CTNNA2: variants seen among roughly 807,000 people sequenced by gnomAD.
CTNNA2 encodes the protein catenin alpha 2, also known as catenin alpha-2.
CTNNA2 carries 42 observed loss-of-function variants against 101.0 expected under a neutral mutation model. That is an observed-to-expected ratio of 0.42 (90% CI 0.32 to 0.54). The LOEUF (loss-of-function observed/expected upper bound fraction) is 0.54, where lower values mean the gene tolerates loss of function less well. CTNNA2 is among the 20% of genes least tolerant of loss of function. CTNNA2 has a pLI of 0.14. For missense variants in CTNNA2, 871 were observed against 1,223.1 expected (o/e 0.71, Z 4.29); for synonymous variants, 450 against 456.4 (o/e 0.99, Z 0.18).
chr2:80,243,389 C>T (rs768470782), intron 7 of CTNNA2, among the ~76,000 whole-genome samples: 17 of 151,892 alleles, frequency 1.1e-4, no homozygotes, highest in Non-Finnish European at 2.5e-4. Flanking sequence ...AGATCCATGA[C>T]GCCCTAATAT....
chr2:80,419,361 T>G, intron 8 of CTNNA2, 88 bp from the exon 9 acceptor site: 2 of 1,034,616 alleles, frequency 1.9e-6, no homozygotes, highest in Non-Finnish European at 1.4e-6. Context: ...CCATGGGTAA[T>G]GAGAGCTCAA....
At chr2:79,828,452 A>G (rs867015605) in intron 3 of CTNNA2, among the ~76,000 whole-genome samples, 6 of 152,220 alleles carry the variant, frequency 3.9e-5, no homozygotes, top group Admixed American at 6.5e-5. Flanking sequence ...CCTTCACTGT[A>G]AAATGAATGT....
At chr2:79,310,501 A>T (rs2104399334) in intron 2 of CTNNA2, among the ~76,000 whole-genome samples, 1 of 152,230 alleles carries the variant, frequency 6.6e-6, no homozygotes, top group East Asian at 1.9e-4. Flanking sequence ...TTATTAACAG[A>T]CTCTTCCTCT....
intron 1 of CTNNA2, among the ~76,000 whole-genome samples, chr2:79,631,068 T>C (rs558057207): frequency 3.3e-5 from 5 of 152,322 alleles, no homozygotes; most frequent in Non-Finnish European, 5.9e-5. Flanking sequence ...GGCAGATTTT[T>C]TTTTTTCTGT....
At chr2:79,702,065 G>C (rs1309677872) in intron 2 of CTNNA2, among the ~76,000 whole-genome samples, 1 of 148,834 alleles carries the variant, frequency 6.7e-6, no homozygotes, top group Non-Finnish European at 1.5e-5. Flanking sequence ...AACAAGAACA[G>C]GCCCCTGATA....
At chr2:80,211,498 G>A (rs920481531) in intron 7 of CTNNA2, among the ~76,000 whole-genome samples, 5 of 152,040 alleles carry the variant, frequency 3.3e-5, no homozygotes, top group African/African-American at 1.2e-4. Flanking sequence ...TCTTGTTTTT[G>A]TCAGGTTTGT....
At chr2:79,556,328 A>G (rs1403252529) in intron 1 of CTNNA2, among the ~76,000 whole-genome samples, 1 of 151,960 alleles carries the variant, frequency 6.6e-6, no homozygotes, top group Admixed American at 6.6e-5. Context: ...CTCCATGTAA[A>G]TTTATCTGGT....
intron 2 of CTNNA2, among the ~76,000 whole-genome samples, chr2:79,695,068 T>C (rs1055310550): frequency 6.7e-6 from 1 of 149,208 alleles, no homozygotes; most frequent in African/African-American, 2.4e-5. Context: ...ATCTTCTCTT[T>C]CACATTACTT....
At chr2:79,915,268 C>T (rs1686112073) in intron 7 of CTNNA2, among the ~76,000 whole-genome samples, 1 of 151,232 alleles carries the variant, frequency 6.6e-6, no homozygotes, top group Non-Finnish European at 1.5e-5. Context: ...TCCAATGTTT[C>T]TGAGCATATA....
At chr2:79,303,488 G>C (rs942814665) in intron 2 of CTNNA2, among the ~76,000 whole-genome samples, 7 of 152,090 alleles carry the variant, frequency 4.6e-5, no homozygotes, top group African/African-American at 1.7e-4. Context: ...GTGTCTTTCA[G>C]GGTGCACTTC....
rs564787883 is a variant in CTNNA2, at chr2:79,190,266, T to G, written c.-524+4835T>G. On this transcript the variant is annotated intron_variant, in intron 1 of 21. Transcript: ENST00000466387. ...TGCTCTATCTGTACTAATCACCCTT[T>G]TAATTTAGGAGTTGGCAAATGCTTA... 3.5e-4 allele frequency among the ~76,000 whole-genome samples: 53 copies of G among 152,106 alleles called. 1 individual carries two copies. Among genetic ancestry groups the G allele is most frequent in the African/African-American group, 1.3e-3 (52 of 41,528 alleles).
At chr2:79,465,317 G>A (rs2104539827) in intron 4 of CTNNA2, among the ~76,000 whole-genome samples, 1 of 152,064 alleles carries the variant, frequency 6.6e-6, no homozygotes, top group South Asian at 2.1e-4. Context: ...TATTTTTGAG[G>A]GCTCTGTTCT....
chr2:79,831,204 T>TTTTTTTACATTAACTG (rs1180428823), intron 3 of CTNNA2, among the ~76,000 whole-genome samples: 1 of 152,184 alleles, frequency 6.6e-6, no homozygotes, highest in African/African-American at 2.4e-5. Context: ...GATTAAGATT[T>TTTTTTTACATTAACTG]TTTTTTACAT....
rs142202657 is a variant in CTNNA2 at position 80,443,703 on chromosome 2, A to G, written c.1290+24102A>G. Reference sequence around the variant, plus strand: ...CCTCTCATCAATTTTTCTCATCTGTATAAAAGAAGTTAATAATAGTGCCCA... The same window carrying G: ...CCTCTCATCAATTTTTCTCATCTGTGTAAAAGAAGTTAATAATAGTGCCCA... On this transcript the variant is annotated intron_variant, in intron 9 of 18. Coordinates refer to ENST00000402739, the MANE Select transcript of CTNNA2 (RefSeq NM_001282597.3). Among the ~76,000 whole-genome samples the G allele has an allele frequency of 3.3e-5, 5 of 152,350 alleles. No individual in the cohort carries two copies. The East Asian group carries it at 9.6e-4, about 29-fold the overall frequency.
chr2:79,406,181 C>T (rs939634968), intron 4 of CTNNA2, among the ~76,000 whole-genome samples: 20 of 152,050 alleles, frequency 1.3e-4, no homozygotes, highest in African/African-American at 4.6e-4. Context: ...GCTTTAACAA[C>T]CAATTCCTAG....
chr2:80,643,947 A>C (rs1673764889), intron 18 of CTNNA2, among the ~76,000 whole-genome samples: 1 of 152,214 alleles, frequency 6.6e-6, no homozygotes, highest in South Asian at 2.1e-4. Context: ...TGAAGCACTT[A>C]TCAGACATAG....
chr2:79,807,989 C>CT (rs1224128231), intron 3 of CTNNA2, among the ~76,000 whole-genome samples: 2 of 152,156 alleles, frequency 1.3e-5, no homozygotes, highest in African/African-American at 4.8e-5. Context: ...CTACAATCAG[C>CT]TGTCTTTAAG....
intron 4 of CTNNA2, among the ~76,000 whole-genome samples, chr2:79,495,500 T>C (rs1671247065): frequency 1.3e-5 from 2 of 152,144 alleles, no homozygotes; most frequent in African/African-American, 4.8e-5. Context: ...TAAATTGAAA[T>C]CCTCATACAT....
intron 7 of CTNNA2, among the ~76,000 whole-genome samples, chr2:79,981,150 G>T (rs1441724585): frequency 1.3e-5 from 2 of 152,018 alleles, no homozygotes; most frequent in African/African-American, 4.8e-5. Flanking sequence ...CACTTATTTT[G>T]CAGGGTAAAG....
Sources: gnomAD v4.1 joint callset for allele counts (sites outside exome capture counted in the v4.1 genomes callset) on GRCh38, gnomAD v4.1.1 for gene constraint, MANE v1.5 for transcripts, NCBI Gene and HGNC (gene_info 2026-07-23, HGNC 2026-07-21) for gene names.